UBE4B: variants seen among roughly 807,000 people sequenced by gnomAD.
UBE4B encodes ubiquitination factor E4B.
In UBE4B, 27 loss-of-function variants were observed where a neutral mutation model predicts 148.1. The ratio of observed to expected loss-of-function variants is 0.18; its 90% confidence interval spans 0.13 to 0.25. The LOEUF (loss-of-function observed/expected upper bound fraction) is 0.25, where lower values mean the gene tolerates loss of function less well. UBE4B is among the 10% of genes least tolerant of loss of function. UBE4B has a pLI of 1.00. For missense variants in UBE4B, 1,170 were observed against 1,662.4 expected, an observed-to-expected ratio of 0.70 and a Z score of 5.15; for synonymous variants, 596 against 619.3, an observed-to-expected ratio of 0.96 and a Z score of 0.56.
intron 2 of UBE4B, among the ~76,000 whole-genome samples, chr1:10,082,329 C>A (rs1356043378): frequency 6.6e-6 from 1 of 151,842 alleles, no homozygotes; most frequent in African/African-American, 2.4e-5. Flanking sequence ...CGAGACGTTA[C>A]CTCTACAAAA....
Position 10,095,446 on chromosome 1 carries a change from G to C in UBE4B, c.212-15G>C. Reference sequence around the variant, plus strand: ...TTTCACATGGGGCTTCATCCTTCCTGTGTTTTCTGTTTAGGAGTAGCCCAT... The same window carrying C: ...TTTCACATGGGGCTTCATCCTTCCTCTGTTTTCTGTTTAGGAGTAGCCCAT... On this transcript the variant is annotated splice_polypyrimidine_tract_variant and intron_variant, in intron 2 of 27. Transcript: ENST00000343090. 4 of 1,613,054 alleles carry C rather than the reference G, an allele frequency of 2.5e-6. No homozygotes were observed. The highest frequency in any genetic ancestry group is 2.5e-6 in the Non-Finnish European group (3 of 1,179,718).
intron 25 of UBE4B, among the ~76,000 whole-genome samples, chr1:10,176,441 A>G (rs1025716584): frequency 1.3e-5 from 2 of 152,178 alleles, no homozygotes; most frequent in Admixed American, 1.3e-4. Context: ...GCTGCCGCCC[A>G]TTTGACATTC....
intron 1 of UBE4B, among the ~76,000 whole-genome samples, chr1:10,055,945 A>ACAAAC (rs369847239): frequency 0.013 from 1,983 of 152,038 alleles, 37 homozygotes; most frequent in African/African-American, 0.045. Context: ...ACAAAACAAA[A>ACAAAC]CCAGAAGTAG....
chr1:10,126,757 T>C, intron 10 of UBE4B, 37 bp from the exon 11 acceptor site: 1 of 1,551,478 alleles, frequency 6.4e-7, no homozygotes, highest in East Asian at 2.3e-5. Context: ...TAGATTCTCT[T>C]AAACTTATAT....
In UBE4B at chr1:10,118,868, C is replaced by CTTTTTTTTTTT. The variant is rs35822677; in HGVS notation, c.1339-622_1339-612dup. On this transcript the variant is annotated intron_variant, in intron 8 of 27. Transcript: ENST00000343090. ...GTTTCACCATGTTGGCCAGGCTGGT[C>CTTTTTTTTTTT]TTTTTTTTTTTTTTTTTTTTTTTTT... 1.7e-4 allele frequency among the ~76,000 whole-genome samples: 4 copies of CTTTTTTTTTTT among 23,090 alleles called. 1 individual carries two copies. Among genetic ancestry groups the CTTTTTTTTTTT allele is most frequent in the African/African-American group, 8.5e-4 (4 of 4,692 alleles). The allele number at this position is 23,090 out of a possible 152,430, so 15.1% of individuals were successfully genotyped here. A position where few individuals can be genotyped will look rare whatever the true frequency, so the allele number is the denominator to read the frequency against.
At chr1:10,056,492 C>T (rs1644171522) in intron 1 of UBE4B, among the ~76,000 whole-genome samples, 1 of 152,184 alleles carries the variant, frequency 6.6e-6, no homozygotes, top group Non-Finnish European at 1.5e-5. Flanking sequence ...GGTGAATAAA[C>T]TAGACCAAAT....
chr1:10,047,926 C>T (rs1643948335), intron 1 of UBE4B, among the ~76,000 whole-genome samples: 2 of 152,160 alleles, frequency 1.3e-5, no homozygotes. Flanking sequence ...GGCTAGAGTA[C>T]AGTGCAGCCT....
chr1:10,173,718 G>T (rs563835592), intron 25 of UBE4B, among the ~76,000 whole-genome samples: 1 of 152,152 alleles, frequency 6.6e-6, no homozygotes, highest in Non-Finnish European at 1.5e-5. Flanking sequence ...CATCGTTGCC[G>T]TAGAGAGACT....
At chr1:10,122,316 G>A (rs556929016) in intron 10 of UBE4B, among the ~76,000 whole-genome samples, 22 of 152,110 alleles carry the variant, frequency 1.4e-4, no homozygotes, top group Non-Finnish European at 2.8e-4. Context: ...TAGGTGCTTC[G>A]GGCAATATGA....
rs936567602 is a variant in UBE4B, at chr1:10,179,311, T to C, written c.3701-105T>C. ...TGGGGGCCTCACAGGGGCCCTTTGA[T>C]TGCTGTTCCTTTGGATAGATTTTTC... On this transcript the variant is annotated intron_variant, in intron 26 of 27. Transcript: ENST00000343090. The C allele has an allele frequency of 4.1e-6, 6 of 1,456,912 alleles. No homozygotes were observed. The African/African-American group carries it at 8.5e-5, about 21-fold the overall frequency. 90.2% of individuals were successfully genotyped at this position (1,456,912 alleles called of 1,614,324 possible). A position where few individuals can be genotyped will look rare whatever the true frequency, so the allele number is the denominator to read the frequency against.
chr1:10,161,134 C>T lies in UBE4B; in HGVS notation c.3054-8C>T, dbSNP rs753132133. ...GTATGACCATGTACAATATAATTGC[C>T]TTTCCAGCTCCGGGAAGCAGTTTGT... On this transcript the variant is annotated splice_polypyrimidine_tract_variant and splice_region_variant and intron_variant, in intron 22 of 27. Coordinates refer to ENST00000343090, the MANE Select transcript of UBE4B (RefSeq NM_001105562.3). The surrounding 1 kb of genome is among the most constrained non-coding windows in gnomAD (Gnocchi z 4.1). 6.2e-7 allele frequency: 1 copy of T among 1,613,692 alleles called. No homozygotes were observed. The highest frequency in any genetic ancestry group is 1.3e-5 in the African/African-American group (1 of 75,000).
chr1:10,142,766 C>A (rs1272173078), intron 17 of UBE4B, among the ~76,000 whole-genome samples: 1 of 152,074 alleles, frequency 6.6e-6, no homozygotes, highest in Non-Finnish European at 1.5e-5. Flanking sequence ...TTCCTCTGCT[C>A]CTTATCACCC....
chr1:10,141,192 G>A (rs773279719), intron 17 of UBE4B, among the ~76,000 whole-genome samples: 5 of 152,118 alleles, frequency 3.3e-5, no homozygotes, highest in Non-Finnish European at 5.9e-5. Flanking sequence ...TCCTGGTCTC[G>A]GAACCTGTGA....
At chr1:10,098,652 C>T (rs903464020) in intron 3 of UBE4B, among the ~76,000 whole-genome samples, 1 of 152,206 alleles carries the variant, frequency 6.6e-6, no homozygotes, top group African/African-American at 2.4e-5. Context: ...GGATGCTTCA[C>T]TCTCATCAGA....
chr1:10,175,637 C>T (rs914646050), intron 25 of UBE4B, among the ~76,000 whole-genome samples: 19 of 151,314 alleles, frequency 1.3e-4, no homozygotes, highest in East Asian at 9.7e-4. Context: ...GGCGACAGAG[C>T]GAGACTCCGT....
At chr1:10,108,242 A>G (rs776729931) in intron 7 of UBE4B, among the ~76,000 whole-genome samples, 17 of 134,020 alleles carry the variant, frequency 1.3e-4, no homozygotes, top group South Asian at 1.0e-3. Flanking sequence ...CAGTCTGGGC[A>G]ATCCATCGAA....
intron 23 of UBE4B, among the ~76,000 whole-genome samples, chr1:10,166,740 A>C (rs550631164): frequency 1.1e-4 from 16 of 152,182 alleles, no homozygotes; most frequent in African/African-American, 3.6e-4. Flanking sequence ...CCTGGCCAAC[A>C]TGGCGAAACC....
intron 1 of UBE4B, among the ~76,000 whole-genome samples, chr1:10,052,564 C>T (rs1355868028): frequency 6.6e-6 from 1 of 152,188 alleles, no homozygotes; most frequent in Non-Finnish European, 1.5e-5. Flanking sequence ...GTCACCAGGG[C>T]CAGCTTCACA....
chr1:10,154,159 C>T (rs1646027482), intron 21 of UBE4B, among the ~76,000 whole-genome samples: 1 of 152,210 alleles, frequency 6.6e-6, no homozygotes, highest in Non-Finnish European at 1.5e-5. Flanking sequence ...AGGAGAATCT[C>T]TTGAACCCGG....
Sources: allele counts gnomAD v4.1 joint callset (sites outside exome capture counted in the v4.1 genomes callset), GRCh38; gene constraint gnomAD v4.1.1; non-coding constraint Gnocchi (gnomAD v3.1); transcripts MANE v1.5; gene names NCBI Gene and HGNC (gene_info 2026-07-23, HGNC 2026-07-21).